Variants in GALNT14 observed in about 807,000 individuals in gnomAD.
GALNT14 encodes polypeptide N-acetylgalactosaminyltransferase 14.
A neutral mutation model predicts 77.5 loss-of-function variants in GALNT14; 60 were observed. The observed-to-expected ratio is 0.77, with a 90% CI of 0.63 to 0.96. The LOEUF (loss-of-function observed/expected upper bound fraction) is 0.96, where lower values mean the gene tolerates loss of function less well. Ranked by LOEUF, GALNT14 falls within the 40% of genes least tolerant of loss-of-function variation. The pLI is 0.00. For missense variants in GALNT14, 710 were observed against 731.0 expected (o/e 0.97, Z 0.33); for synonymous variants, 280 against 281.7 (o/e 0.99, Z 0.06).
intron 1 of GALNT14, among the ~76,000 whole-genome samples, chr2:31,090,171 G>A (rs1256049183): frequency 6.6e-6 from 1 of 152,094 alleles, no homozygotes; most frequent in Non-Finnish European, 1.5e-5. Flanking sequence ...ATGGAGCAAA[G>A]TGTCCCTCAA....
At chr2:31,048,659 T>C (rs1032039943) in intron 1 of GALNT14, among the ~76,000 whole-genome samples, 8 of 140,956 alleles carry the variant, frequency 5.7e-5, no homozygotes, top group South Asian at 4.7e-4. Flanking sequence ...TCCTATGGAG[T>C]TCTGCCATCA....
chr2:30,923,112 G>A (rs904314705), intron 13 of GALNT14, among the ~76,000 whole-genome samples: 1 of 148,930 alleles, frequency 6.7e-6, no homozygotes, highest in African/African-American at 2.5e-5. Flanking sequence ...GCCTGGGCTG[G>A]AGTGCAATGG....
chr2:30,899,361 G>A, the GALNT14 span, among the ~76,000 whole-genome samples: 1 of 152,218 alleles, frequency 6.6e-6, no homozygotes, highest in East Asian at 1.9e-4. Context: ...GAATTTCTTG[G>A]AGGACCATCC....
intron 1 of GALNT14, among the ~76,000 whole-genome samples, chr2:31,008,257 T>C (rs930112354): frequency 6.6e-5 from 10 of 152,036 alleles, no homozygotes; most frequent in Non-Finnish European, 1.2e-4. Flanking sequence ...CCTGGCTGAT[T>C]TCTTTATTTT....
At chr2:31,070,914 T>G (rs1675323991) in intron 1 of GALNT14, among the ~76,000 whole-genome samples, 1 of 152,208 alleles carries the variant, frequency 6.6e-6, no homozygotes, top group African/African-American at 2.4e-5. Context: ...GACCAGGGCC[T>G]CCTCAGGCTT....
chr2:30,887,650 C>G, the GALNT14 span, among the ~76,000 whole-genome samples: 1 of 152,172 alleles, frequency 6.6e-6, no homozygotes, highest in South Asian at 2.1e-4. Flanking sequence ...TTTGCAATAT[C>G]TGTGGATTGT....
At chr2:31,071,197 A>G (rs114853647) in intron 1 of GALNT14, among the ~76,000 whole-genome samples, 6,203 of 152,216 alleles carry the variant, frequency 0.041, 390 homozygotes, top group African/African-American at 0.14. Flanking sequence ...AATCACCACT[A>G]AAGAACTTAC....
rs1452741648 is a variant in GALNT14 at position 30,974,655 on chromosome 2, T to A, written c.300-8353A>T. ...TCCTCTTCTAATCTTGGCTTGGAAG[T>A]TACTTCCCCTGGGAAGCATTTCAGT... is the stretch of plus-strand genomic sequence containing the variant. On this transcript the variant is annotated intron_variant, in intron 2 of 14. Coordinates refer to ENST00000349752, the MANE Select transcript of GALNT14 (RefSeq NM_024572.4). Among the ~76,000 whole-genome samples, 7 of 152,326 alleles carry A rather than the reference T, an allele frequency of 4.6e-5. No homozygotes were observed. The South Asian group carries it at 1.0e-3, about 23-fold the overall frequency.
chr2:31,130,005 C>G lies in GALNT14; in HGVS notation c.129+7953G>C, dbSNP rs1188524385. ...CAGCCGGGGTGGTTGTTCTCTTCAT[C>G]TGGGCATTCAAATCCCAGGGCAGAG... is the stretch of plus-strand genomic sequence containing the variant. On this transcript the variant is annotated intron_variant, in intron 1 of 14. Coordinates refer to ENST00000349752, the MANE Select transcript of GALNT14 (RefSeq NM_024572.4). 4.6e-5 allele frequency among the ~76,000 whole-genome samples: 7 copies of G among 152,320 alleles called. No individual in the cohort carries two copies. The East Asian group carries it at 1.4e-3, about 29-fold the overall frequency.
intron 1 of GALNT14, among the ~76,000 whole-genome samples, chr2:31,005,889 G>A (rs1670643366): frequency 6.6e-6 from 1 of 152,244 alleles, no homozygotes; most frequent in Non-Finnish European, 1.5e-5. Context: ...GCTAGAAATT[G>A]AGCTTTGTGC....
At chr2:30,902,964 C>A in the GALNT14 span, among the ~76,000 whole-genome samples, 4 of 152,290 alleles carry the variant, frequency 2.6e-5, no homozygotes, top group Admixed American at 2.6e-4. Flanking sequence ...AGCCTGGACA[C>A]AGAGCTTAGG....
chr2:31,011,407 A>G (rs566602730), intron 1 of GALNT14, among the ~76,000 whole-genome samples: 3 of 152,254 alleles, frequency 2.0e-5, no homozygotes, highest in African/African-American at 7.2e-5. Context: ...CGGGTAAACC[A>G]TTTCTGCTCA....
At chr2:30,905,729 C>T (rs867897437), downstream of GALNT14, among the ~76,000 whole-genome samples, 75 of 148,406 alleles carry the variant, frequency 5.1e-4, no homozygotes, top group African/African-American at 1.4e-3. Flanking sequence ...AGATACTCCT[C>T]GAGAAGAGCA....
intron 2 of GALNT14, among the ~76,000 whole-genome samples, chr2:30,975,689 A>G (rs1668587050): frequency 6.6e-6 from 1 of 152,218 alleles, no homozygotes; most frequent in Non-Finnish European, 1.5e-5. Context: ...CTGAACTTTA[A>G]TTGGTATATA....
downstream of GALNT14, among the ~76,000 whole-genome samples, chr2:30,909,310 TC>T (rs1482405794): frequency 6.6e-6 from 1 of 150,876 alleles, no homozygotes; most frequent in East Asian, 2.0e-4. Flanking sequence ...AACCTACTCA[TC>T]TGACAAAGGG....
intron 9 of GALNT14, among the ~76,000 whole-genome samples, chr2:30,941,113 T>A (rs1229200217): frequency 1.3e-5 from 2 of 152,354 alleles, no homozygotes; most frequent in Admixed American, 1.3e-4. Context: ...AATGCTGGGA[T>A]GTGCCCCATG....
At chr2:31,038,095 T>TATATATATAA (rs1558514701) in intron 1 of GALNT14, among the ~76,000 whole-genome samples, 10 of 84,888 alleles carry the variant, frequency 1.2e-4, no homozygotes, top group South Asian at 4.3e-4. Flanking sequence ...TTTTTTTTTT[T>TATATATATAA]TTTTTTTTTT....
chr2:31,076,715 C>T (rs1675820751), intron 1 of GALNT14, among the ~76,000 whole-genome samples: 1 of 150,534 alleles, frequency 6.6e-6, no homozygotes. Flanking sequence ...ATGAATAATG[C>T]AATAATACTG....
intron 13 of GALNT14, among the ~76,000 whole-genome samples, chr2:30,919,550 C>T (rs899560545): frequency 6.6e-6 from 1 of 152,204 alleles, no homozygotes; most frequent in Admixed American, 6.5e-5. Context: ...AGTTGAGGAC[C>T]CTAGAGTCTC....
Sources: allele counts gnomAD v4.1 joint callset (sites outside exome capture counted in the v4.1 genomes callset), GRCh38; gene constraint gnomAD v4.1.1; transcripts MANE v1.5; gene names NCBI Gene and HGNC (gene_info 2026-07-23, HGNC 2026-07-21).